The following DLG2 variants were observed in gnomAD, a reference collection of about 807,000 sequenced individuals.
DLG2 encodes disks large homolog 2.
In DLG2, 45 loss-of-function variants were observed where a neutral mutation model predicts 132.5. The ratio of observed to expected loss-of-function variants is 0.34; its 90% confidence interval spans 0.27 to 0.44. The LOEUF is 0.44. DLG2 is among the 20% of genes least tolerant of loss of function. DLG2 has a pLI of 1.00. For synonymous variants in DLG2, 424 were observed against 419.6 expected (o/e 1.01, Z -0.13); for missense variants, 1,045 against 1,196.9 (o/e 0.87, Z 1.87).
intron 19 of DLG2, among the ~76,000 whole-genome samples, chr11:83,553,085 A>G (rs978410325): frequency 6.6e-6 from 1 of 152,146 alleles, no homozygotes; most frequent in Non-Finnish European, 1.5e-5. Context: ...TGCCCCTTGC[A>G]AAGAGGAAAA....
intron 18 of DLG2, among the ~76,000 whole-genome samples, chr11:83,654,655 A>G (rs2071763931): frequency 6.6e-6 from 1 of 152,240 alleles, no homozygotes; most frequent in African/African-American, 2.4e-5. Flanking sequence ...CTAGAAGGAT[A>G]GGAGACACAT....
chr11:84,684,143 T>C (rs2099735985), intron 6 of DLG2, among the ~76,000 whole-genome samples: 1 of 152,194 alleles, frequency 6.6e-6, no homozygotes, highest in African/African-American at 2.4e-5. Flanking sequence ...AGATGCAATG[T>C]GTATTTATTT....
At chr11:84,121,752 G>A (rs1445740085) in intron 9 of DLG2, among the ~76,000 whole-genome samples, 2 of 150,500 alleles carry the variant, frequency 1.3e-5, no homozygotes, top group African/African-American at 4.9e-5. Flanking sequence ...TAGTAGAGAC[G>A]GGGTTTCACC....
chr11:84,666,775 A>G (rs1371399267), intron 6 of DLG2, among the ~76,000 whole-genome samples: 15 of 152,142 alleles, frequency 9.9e-5, no homozygotes, highest in Admixed American at 9.8e-4. Context: ...AATTATAATT[A>G]TCCCTATTTC....
chr11:83,471,575 G>T, intron 24 of DLG2, 51 bp downstream of exon 24: 5 of 1,357,526 alleles, frequency 3.7e-6, no homozygotes, highest in Non-Finnish European at 4.2e-6. Context: ...ATCTCATAAA[G>T]AAATCCAAGC....
intron 6 of DLG2, among the ~76,000 whole-genome samples, chr11:84,813,586 A>G (rs1372098544): frequency 6.6e-6 from 1 of 152,130 alleles, no homozygotes; most frequent in Non-Finnish European, 1.5e-5. Context: ...GGACTCAAAG[A>G]TATGTCCAGA....
At chr11:84,754,653 CA>C (rs1348288406) in intron 6 of DLG2, among the ~76,000 whole-genome samples, 27 of 151,984 alleles carry the variant, frequency 1.8e-4, no homozygotes, top group Admixed American at 4.6e-4. Context: ...TTTGACTAAG[CA>C]GAGAATAAAG....
chr11:84,848,214 C>T (rs1406234133), intron 6 of DLG2, among the ~76,000 whole-genome samples: 1 of 152,056 alleles, frequency 6.6e-6, no homozygotes, highest in East Asian at 1.9e-4. Flanking sequence ...CCAGTGACGG[C>T]CTGGTGTGGT....
At chr11:85,412,760 C>CACACACACATATATAT (rs756868795) in intron 3 of DLG2, among the ~76,000 whole-genome samples, 8 of 113,242 alleles carry the variant, frequency 7.1e-5, no homozygotes, top group African/African-American at 3.0e-4. Context: ...CACACACACA[C>CACACACACATATATAT]ATATATATAT....
chr11:84,614,118 T>C (rs1346788241), intron 6 of DLG2, among the ~76,000 whole-genome samples: 1 of 152,198 alleles, frequency 6.6e-6, no homozygotes, highest in Non-Finnish European at 1.5e-5. Context: ...TTTCAACAAA[T>C]ATCTTTTGAT....
At chr11:83,640,862 A>G (rs547005890) in intron 18 of DLG2, among the ~76,000 whole-genome samples, 10 of 152,304 alleles carry the variant, frequency 6.6e-5, no homozygotes, top group African/African-American at 2.4e-4. Context: ...TTTGTGAACT[A>G]TCTGGTTACT....
chr11:83,777,969 A>C (rs984454184), intron 18 of DLG2, among the ~76,000 whole-genome samples: 1 of 152,192 alleles, frequency 6.6e-6, no homozygotes, highest in Non-Finnish European at 1.5e-5. Context: ...CAGAAAAGTG[A>C]TATGACTTAG....
At chr11:84,251,189 A>T in intron 8 of DLG2, 49 bp downstream of exon 8, 1 of 1,184,534 alleles carries the variant, frequency 8.4e-7, no homozygotes, top group Non-Finnish European at 1.2e-6. Flanking sequence ...TCAGCCAATT[A>T]AGTTCTACCA....
intron 6 of DLG2, among the ~76,000 whole-genome samples, chr11:84,841,789 C>T (rs1308675012): frequency 6.6e-6 from 1 of 151,916 alleles, no homozygotes; most frequent in African/African-American, 2.4e-5. Context: ...AGCATAAATA[C>T]AATTCCCTGT....
intron 6 of DLG2, among the ~76,000 whole-genome samples, chr11:84,801,542 C>G (rs1383296540): frequency 6.6e-6 from 1 of 152,148 alleles, no homozygotes; most frequent in Non-Finnish European, 1.5e-5. Flanking sequence ...CCCTGGGAGA[C>G]AGAGTGAGAC....
At chr11:84,395,626 C>T (rs1029696216) in intron 7 of DLG2, among the ~76,000 whole-genome samples, 1 of 152,098 alleles carries the variant, frequency 6.6e-6, no homozygotes, top group African/African-American at 2.4e-5. Flanking sequence ...CCATGTTGCC[C>T]AGGCTAGAGG....
chr11:84,453,772 C>T (rs1481828499), intron 7 of DLG2, among the ~76,000 whole-genome samples: 1 of 151,648 alleles, frequency 6.6e-6, no homozygotes, highest in African/African-American at 2.4e-5. Context: ...GCACATTCCG[C>T]ATGCAAGCCA....
At chr11:84,671,102 T>C (rs2099705419) in intron 6 of DLG2, among the ~76,000 whole-genome samples, 2 of 151,860 alleles carry the variant, frequency 1.3e-5, no homozygotes, top group Non-Finnish European at 2.9e-5. Flanking sequence ...AATAATTTTT[T>C]TTTTTTTTTT....
At chr11:85,378,580 G>C (rs1213958220) in intron 3 of DLG2, among the ~76,000 whole-genome samples, 7 of 151,986 alleles carry the variant, frequency 4.6e-5, no homozygotes. Flanking sequence ...AGATGTGTGT[G>C]TGCAAGAAGA....
Sources: allele counts gnomAD v4.1 joint callset (sites outside exome capture counted in the v4.1 genomes callset), GRCh38; gene constraint gnomAD v4.1.1; transcripts MANE v1.5; gene names NCBI Gene and HGNC (gene_info 2026-07-23, HGNC 2026-07-21).